GNAQ: variants seen among roughly 807,000 people sequenced by gnomAD.
GNAQ encodes G protein subunit alpha q.
A neutral mutation model predicts 43.9 loss-of-function variants in GNAQ; 8 were observed. The ratio of observed to expected loss-of-function variants is 0.18; its 90% CI spans 0.11 to 0.33. The LOEUF (loss-of-function observed/expected upper bound fraction) is 0.33. Ranked by LOEUF, GNAQ falls within the 10% of genes least tolerant of loss-of-function variation. The probability of loss-of-function intolerance (pLI) is 1.00; values close to 1 mark genes in which losing one functional copy is unlikely to be tolerated. For missense variants in GNAQ, 158 were observed against 450.8 expected, an observed-to-expected ratio of 0.35 and a Z score of 5.88; for synonymous variants, 155 against 170.7, an observed-to-expected ratio of 0.91 and a Z score of 0.71.
intron 5 of GNAQ, among the ~76,000 whole-genome samples, chr9:77,760,069 AT>A (rs34603696): frequency 8.9e-5 from 13 of 145,912 alleles, no homozygotes; most frequent in African/African-American, 2.5e-4. Flanking sequence ...CCTTTTTCTA[AT>A]TTTTTTTTTA....
chr9:77,990,880 C>T (rs888903370), intron 1 of GNAQ, among the ~76,000 whole-genome samples: 1 of 152,138 alleles, frequency 6.6e-6, no homozygotes, highest in South Asian at 2.1e-4. Flanking sequence ...ACACACATGA[C>T]CTAAGAATGC....
At chr9:77,860,827 T>A (rs1827838553) in intron 2 of GNAQ, among the ~76,000 whole-genome samples, 1 of 152,146 alleles carries the variant, frequency 6.6e-6, no homozygotes, top group Admixed American at 6.5e-5. Context: ...CAGCTGAAGT[T>A]CATGACTCCA....
At chr9:77,862,029 A>G (rs1427587856) in intron 2 of GNAQ, among the ~76,000 whole-genome samples, 4 of 150,884 alleles carry the variant, frequency 2.7e-5, no homozygotes, top group African/African-American at 9.7e-5. Context: ...AAAAAAAAAA[A>G]AAGAGGTGGA....
chr9:77,725,391 T>C (rs1825381925), intron 6 of GNAQ, among the ~76,000 whole-genome samples: 1 of 152,158 alleles, frequency 6.6e-6, no homozygotes, highest in Non-Finnish European at 1.5e-5. Flanking sequence ...ACTATAAACA[T>C]GCTTATTACA....
intron 5 of GNAQ, among the ~76,000 whole-genome samples, chr9:77,791,044 T>A (rs1826562769): frequency 6.6e-6 from 1 of 152,192 alleles, no homozygotes; most frequent in Non-Finnish European, 1.5e-5. Flanking sequence ...TCCACCTTGA[T>A]CAAGGAGGGC....
chr9:77,840,238 T>C (rs894710690), intron 2 of GNAQ, among the ~76,000 whole-genome samples: 4 of 152,188 alleles, frequency 2.6e-5, no homozygotes, highest in African/African-American at 9.6e-5. Flanking sequence ...AATAGAACAT[T>C]ACCTCCTTCA....
intron 2 of GNAQ, among the ~76,000 whole-genome samples, chr9:77,903,023 T>C (rs1828637591): frequency 6.6e-6 from 1 of 151,998 alleles, no homozygotes; most frequent in African/African-American, 2.4e-5. Context: ...CAAGCAGGTG[T>C]CAATGGTCTG....
intron 4 of GNAQ, 132 bp from the exon 5 acceptor site, chr9:77,794,724 T>A: frequency 2.0e-6 from 1 of 488,510 alleles, no homozygotes; most frequent in Non-Finnish European, 3.6e-6. Context: ...TCAATTCAAT[T>A]AATACTTATT....
Position 77,816,230 on chromosome 9 carries a change from C to T in GNAQ, c.322-460G>A, listed in dbSNP as rs544042011. ...GCAGAAACTCAATCAGAATCCTCAA[C>T]TAATCAGGATTAGCTTCTCTAGTTC... On this transcript the variant is annotated intron_variant, in intron 2 of 6. Transcript: ENST00000286548. Among the ~76,000 whole-genome samples, 7 of 152,250 alleles carry T rather than the reference C, an allele frequency of 4.6e-5. No homozygotes were observed. In the South Asian group the frequency reaches 1.5e-3, roughly 32 times the overall value.
intron 1 of GNAQ, among the ~76,000 whole-genome samples, chr9:77,934,341 G>C (rs1284248482): frequency 6.6e-6 from 1 of 152,012 alleles, no homozygotes; most frequent in Non-Finnish European, 1.5e-5. Flanking sequence ...ACGTCACCTA[G>C]TATTTAGTAT....
chr9:77,769,664 CTTTT>C (rs539379703), intron 5 of GNAQ, among the ~76,000 whole-genome samples: 1 of 129,102 alleles, frequency 7.7e-6, no homozygotes. Flanking sequence ...GACAAGAACT[CTTTT>C]TTTTTTTTTT....
chr9:77,760,677 G>A (rs989222450), intron 5 of GNAQ, among the ~76,000 whole-genome samples: 2 of 151,838 alleles, frequency 1.3e-5, no homozygotes, highest in Admixed American at 6.5e-5. Context: ...CATCATCTGG[G>A]ATGTTAGGAG....
chr9:77,820,874 G>C (rs565632126), intron 2 of GNAQ, among the ~76,000 whole-genome samples: 1 of 152,080 alleles, frequency 6.6e-6, no homozygotes, highest in Non-Finnish European at 1.5e-5. Flanking sequence ...TTTGTTGTAG[G>C]GCTGTTAGGA....
chr9:78,021,045 CTTTTTTTTTTTT>C (rs545575616), intron 1 of GNAQ, among the ~76,000 whole-genome samples: 5 of 112,208 alleles, frequency 4.5e-5, no homozygotes, highest in Admixed American at 3.8e-4. Context: ...CAGGAAGCTG[CTTTTTTTTTTTT>C]TTTTTTTTTT....
chr9:78,020,305 A>G (rs964238725), intron 1 of GNAQ, among the ~76,000 whole-genome samples: 1 of 152,202 alleles, frequency 6.6e-6, no homozygotes, highest in African/African-American at 2.4e-5. Context: ...ATGCATTTCT[A>G]TCACCTGAAA....
intron 5 of GNAQ, among the ~76,000 whole-genome samples, chr9:77,789,357 T>C (rs1184556683): frequency 1.3e-5 from 2 of 152,110 alleles, no homozygotes; most frequent in Non-Finnish European, 2.9e-5. Flanking sequence ...TGTATACATA[T>C]ACAAAAGGCT....
chr9:77,940,733 C>T (rs542951952), intron 1 of GNAQ, among the ~76,000 whole-genome samples: 6 of 152,002 alleles, frequency 3.9e-5, no homozygotes, highest in Non-Finnish European at 7.4e-5. Context: ...TTTGGGAGGC[C>T]GAGGCAGGCG....
At chr9:77,775,412 T>C (rs1047137674) in intron 5 of GNAQ, among the ~76,000 whole-genome samples, 1 of 144,558 alleles carries the variant, frequency 6.9e-6, no homozygotes, top group African/African-American at 2.5e-5. Context: ...CATCTCTCTT[T>C]TTTTTTTTTT....
intron 5 of GNAQ, among the ~76,000 whole-genome samples, chr9:77,761,411 C>T (rs1464052600): frequency 1.5e-5 from 2 of 136,896 alleles, no homozygotes; most frequent in Admixed American, 7.0e-5. Flanking sequence ...AGTGAGGAGC[C>T]CCTCTGCCCG....
Sources: allele counts gnomAD v4.1 joint callset (sites outside exome capture counted in the v4.1 genomes callset), GRCh38; gene constraint gnomAD v4.1.1; transcripts MANE v1.5; gene names NCBI Gene and HGNC (gene_info 2026-07-23, HGNC 2026-07-21).